Variants in PLCB1 observed in about 807,000 individuals in gnomAD.
PLCB1 encodes the protein 1-phosphatidylinositol 4,5-bisphosphate phosphodiesterase beta-1.
Under a neutral mutation model 161.8 loss-of-function variants are expected in PLCB1, and 46 were observed. The ratio of observed to expected loss-of-function variants is 0.28; its 90% CI spans 0.22 to 0.36. The LOEUF is 0.36. Among genes scored for constraint, PLCB1 ranks in the 10% least tolerant of loss-of-function variants. PLCB1 has a pLI of 1.00. For missense variants in PLCB1, 1,016 were observed against 1,472.5 expected (o/e 0.69, Z 5.07); for synonymous variants, 517 against 503.7 (o/e 1.03, Z -0.35).
At chr20:8,140,416 A>C (rs2051390738) in intron 1 of PLCB1, among the ~76,000 whole-genome samples, 2 of 152,214 alleles carry the variant, frequency 1.3e-5, no homozygotes, top group Non-Finnish European at 2.9e-5. Context: ...ATAATCATCT[A>C]AGTATCCTAC....
intron 2 of PLCB1, among the ~76,000 whole-genome samples, chr20:8,241,866 T>C (rs1355285391): frequency 6.6e-6 from 1 of 151,870 alleles, no homozygotes; most frequent in African/African-American, 2.4e-5. Context: ...ATTTAGATGA[T>C]TGAAGGAGGA....
In PLCB1 at chr20:8,167,861, A is replaced by G. The variant is rs573748090; in HGVS notation, c.177+17490A>G. On this transcript the variant is annotated intron_variant, in intron 2 of 31. Transcript: ENST00000338037. ...GAGGTCACCCTTCTTTGGGTTAACA[A>G]TCTGGTGCAGGCTCTGGGGGATCAT... Among the ~76,000 whole-genome samples, 18 of 152,244 alleles carry G rather than the reference A, an allele frequency of 1.2e-4. 1 individual carries two copies. In the South Asian group the frequency reaches 2.9e-3, roughly 25 times the overall value.
chr20:8,592,097 GT>G (rs1340015189), intron 3 of PLCB1, among the ~76,000 whole-genome samples: 1 of 152,090 alleles, frequency 6.6e-6, no homozygotes, highest in East Asian at 1.9e-4. Flanking sequence ...TGAAATAAAG[GT>G]TTTGTACATT....
At chr20:8,591,622 C>T (rs1267059314) in intron 3 of PLCB1, among the ~76,000 whole-genome samples, 1 of 152,160 alleles carries the variant, frequency 6.6e-6, no homozygotes, top group Non-Finnish European at 1.5e-5. Flanking sequence ...ACCCAGGGCA[C>T]TTAAGAGACG....
chr20:8,521,456 C>A (rs1357566665), intron 3 of PLCB1, among the ~76,000 whole-genome samples: 1 of 152,128 alleles, frequency 6.6e-6, no homozygotes, highest in Non-Finnish European at 1.5e-5. Context: ...GTAATCCCAG[C>A]ACTTTGAGAT....
chr20:8,319,526 GAA>G (rs111997224), intron 2 of PLCB1, among the ~76,000 whole-genome samples: 5 of 145,950 alleles, frequency 3.4e-5, no homozygotes, highest in African/African-American at 1.2e-4. Flanking sequence ...TCTTGGCAAA[GAA>G]AAAAAAAAAT....
intron 2 of PLCB1, among the ~76,000 whole-genome samples, chr20:8,330,334 A>G (rs958427687): frequency 6.6e-6 from 1 of 152,234 alleles, no homozygotes; most frequent in African/African-American, 2.4e-5. Flanking sequence ...ACCAAGCCTC[A>G]CAGCTGTAAC....
chr20:8,170,231 T>C (rs546490147), intron 2 of PLCB1, among the ~76,000 whole-genome samples: 1 of 152,286 alleles, frequency 6.6e-6, no homozygotes, highest in Admixed American at 6.5e-5. Flanking sequence ...AATAGGAAAA[T>C]CTTACTGACT....
At chr20:8,675,951 CAA>C (rs1162911290) in intron 9 of PLCB1, among the ~76,000 whole-genome samples, 1 of 152,204 alleles carries the variant, frequency 6.6e-6, no homozygotes, top group Non-Finnish European at 1.5e-5. Context: ...AGGCATAAAA[CAA>C]AGAGGAGAGT....
intron 2 of PLCB1, among the ~76,000 whole-genome samples, chr20:8,159,988 C>CAAAAAAAAAAAAAAAAACAAAAAA (rs2051605406): frequency 1.3e-5 from 1 of 79,330 alleles, no homozygotes. Flanking sequence ...AACTCCATCT[C>CAAAAAAAAAAAAAAAAACAAAAAA]AAAAAAAAAA....
chr20:8,746,280 T>TA (rs2123534416), intron 23 of PLCB1, among the ~76,000 whole-genome samples: 1 of 152,312 alleles, frequency 6.6e-6, no homozygotes, highest in South Asian at 2.1e-4. Context: ...ACAGACCAAA[T>TA]AATGTAATTA....
At chr20:8,832,580 A>G (rs549208068) in intron 31 of PLCB1, among the ~76,000 whole-genome samples, 2 of 152,312 alleles carry the variant, frequency 1.3e-5, no homozygotes, top group South Asian at 2.1e-4. Flanking sequence ...GCGAAGTGCA[A>G]TGTATTGCCT....
At chr20:8,326,293 T>A (rs972334126) in intron 2 of PLCB1, among the ~76,000 whole-genome samples, 2 of 152,154 alleles carry the variant, frequency 1.3e-5, no homozygotes, top group East Asian at 3.9e-4. Flanking sequence ...AACTATGTGG[T>A]TTAATTTTCT....
chr20:8,376,011 A>G (rs1600354511), intron 3 of PLCB1, among the ~76,000 whole-genome samples: 1 of 151,416 alleles, frequency 6.6e-6, no homozygotes, highest in South Asian at 2.1e-4. Flanking sequence ...AAAAAGGATT[A>G]AAGACTTGTG....
At chr20:8,373,208 A>G (rs995698762) in intron 3 of PLCB1, among the ~76,000 whole-genome samples, 5 of 152,052 alleles carry the variant, frequency 3.3e-5, no homozygotes, top group African/African-American at 1.2e-4. Context: ...GGAGGGACTG[A>G]TTACTTCCTC....
At chr20:8,421,766 G>A (rs983830548) in intron 3 of PLCB1, among the ~76,000 whole-genome samples, 4 of 152,112 alleles carry the variant, frequency 2.6e-5, no homozygotes, top group African/African-American at 9.7e-5. Context: ...TTAGACGAAC[G>A]GCATCAGCAT....
At chr20:8,405,753 A>C (rs927912371) in intron 3 of PLCB1, among the ~76,000 whole-genome samples, 3 of 152,166 alleles carry the variant, frequency 2.0e-5, no homozygotes, top group Non-Finnish European at 4.4e-5. Context: ...ATTAAACTAC[A>C]TAAACTTCAA....
Position 8,302,284 on chromosome 20 carries a change from G to A in PLCB1, c.178-69098G>A, listed in dbSNP as rs147062057. On this transcript the variant is annotated intron_variant, in intron 2 of 31. Transcript: ENST00000338037. The stretch of plus-strand genomic sequence containing the variant: ...TTAGTATGTCAAGAAAAGTAATGAA[G>A]GTTCTTAAACTAAACTTAATTTTTT... Among the ~76,000 whole-genome samples the A allele has an allele frequency of 6.3e-3, 955 of 152,288 alleles. 13 individuals are homozygous for A. The highest frequency in any genetic ancestry group is 0.021 in the African/African-American group (859 of 41,562).
intron 3 of PLCB1, among the ~76,000 whole-genome samples, chr20:8,534,632 T>G (rs992582731): frequency 6.6e-6 from 1 of 152,118 alleles, no homozygotes; most frequent in Non-Finnish European, 1.5e-5. Flanking sequence ...GATCCAGAGC[T>G]TCCCCTCAGA....
Sources: allele counts gnomAD v4.1 joint callset (sites outside exome capture counted in the v4.1 genomes callset), GRCh38; gene constraint gnomAD v4.1.1; transcripts MANE v1.5; gene names NCBI Gene and HGNC (gene_info 2026-07-23, HGNC 2026-07-21).